The following OR3A2 variants were observed in gnomAD, a reference collection of about 807,000 sequenced individuals.
OR3A2 encodes the protein olfactory receptor family 3 subfamily A member 2.
For missense variants in OR3A2, 318 were observed against 392.8 expected (o/e 0.81, Z 1.61); for synonymous variants, 126 against 159.3 (o/e 0.79, Z 1.57).
rs541082915 is a variant in OR3A2 at position 3,358,055 on chromosome 17, C to T, written c.-178-21929G>A. On this transcript the variant is annotated intron_variant, in intron 2 of 4. Coordinates refer to the OR3A2 transcript ENST00000573491. ...GCATTTTCTGATCCAGACGAGGTCT[C>T]GAAGAGGCTGAGCTGTACTACTGGC... Among the ~76,000 whole-genome samples the T allele has an allele frequency of 4.6e-5, 7 of 151,624 alleles. No individual in the cohort carries two copies. The South Asian group carries it at 6.2e-4, about 13-fold the overall frequency.
At chr17:3,336,647 G>C (rs1466079517) in intron 2 of OR3A2, among the ~76,000 whole-genome samples, 1 of 152,088 alleles carries the variant, frequency 6.6e-6, no homozygotes, top group Non-Finnish European at 1.5e-5. Flanking sequence ...AATGTATAAA[G>C]AATATCAATT....
chr17:3,347,400 CG>C (rs916179524), intron 2 of OR3A2, among the ~76,000 whole-genome samples: 24 of 152,272 alleles, frequency 1.6e-4, no homozygotes, highest in African/African-American at 4.8e-4. Flanking sequence ...CCCTCTCCCC[CG>C]GCCCCACAAC....
chr17:3,311,052 C>T lies in OR3A2; in HGVS notation c.-85+24981G>A. The T allele has an allele frequency of 1.8e-6, 1 of 546,064 alleles. No individual in the cohort carries two copies. Among genetic ancestry groups the T allele is most frequent in the South Asian group, 1.4e-5 (1 of 72,576 alleles). The allele number at this position is 546,064 out of a possible 1,614,324, so 33.8% of individuals were successfully genotyped here. On this transcript the variant is annotated intron_variant, in intron 3 of 4. Coordinates refer to the OR3A2 transcript ENST00000573491. This position sits in a 1 kb window ranked among gnomAD's most constrained non-coding sequence, Gnocchi z 4.6. Reference sequence around the variant, plus strand: ...AGCCTTCTCCACGTGTAGTTCCCACCTCACTGTGGTGGGCATCTTCTATGG... The same window carrying T: ...AGCCTTCTCCACGTGTAGTTCCCACTTCACTGTGGTGGGCATCTTCTATGG...
At chr17:3,377,220 G>A (rs2049692556) in intron 2 of OR3A2, among the ~76,000 whole-genome samples, 1 of 152,152 alleles carries the variant, frequency 6.6e-6, no homozygotes, top group Non-Finnish European at 1.5e-5. Context: ...CAACCAAGGG[G>A]GAGCTGCATG....
chr17:3,342,210 C>G (rs1223784819), intron 2 of OR3A2, among the ~76,000 whole-genome samples: 1 of 152,144 alleles, frequency 6.6e-6, no homozygotes, highest in Admixed American at 6.5e-5. Flanking sequence ...TGGGTTCAAA[C>G]ACCCTCCTTT....
intron 3 of OR3A2, among the ~76,000 whole-genome samples, chr17:3,299,274 G>A (rs1450935613): frequency 6.6e-6 from 1 of 152,204 alleles, no homozygotes; most frequent in East Asian, 1.9e-4. Flanking sequence ...CCCTGGAGGT[G>A]AGAAGGAGGC....
intron 2 of OR3A2, among the ~76,000 whole-genome samples, chr17:3,363,139 T>C (rs2049533108): frequency 6.6e-6 from 1 of 151,886 alleles, no homozygotes; most frequent in African/African-American, 2.4e-5. Context: ...CCCCATTAAA[T>C]ATGCAAATTT....
chr17:3,345,448 G>C (rs1567562418), intron 2 of OR3A2, among the ~76,000 whole-genome samples: 2 of 151,900 alleles, frequency 1.3e-5, no homozygotes. Flanking sequence ...GATAGAGACA[G>C]AGAGAGAGAC....
chr17:3,372,157 G>A (rs551917845), intron 2 of OR3A2, among the ~76,000 whole-genome samples: 9 of 151,196 alleles, frequency 6.0e-5, no homozygotes, highest in African/African-American at 1.5e-4. Context: ...GGTCGCGGCC[G>A]GGTAGAGGTG....
intron 2 of OR3A2, among the ~76,000 whole-genome samples, chr17:3,371,903 G>C (rs1205333208): frequency 1.3e-5 from 2 of 148,916 alleles, no homozygotes; most frequent in African/African-American, 2.5e-5. Flanking sequence ...CTCCCGGACG[G>C]GGCGGCTGGC....
chr17:3,309,564 A>G (rs9911870), intron 3 of OR3A2, among the ~76,000 whole-genome samples: 28,697 of 152,090 alleles, frequency 0.19, 4,251 homozygotes, highest in African/African-American at 0.41. Flanking sequence ...TACATTCTTC[A>G]TATTTGGTAA....
chr17:3,278,054 CAGCATAGGGTTGAT>C lies in OR3A2; in HGVS notation c.850_863del (p.Ile284GlufsTer11). ...TTCTGAGGCTGTAGATAAGAGGGTT[CAGCATAGGGTTGAT>C]AACAGTGTTGAAAACTCCAACCCCT... On this transcript the variant is annotated frameshift_variant, in exon 2 of 2. Coordinates refer to ENST00000642052, the Ensembl canonical transcript of OR3A2. LOFTEE classifies it low-confidence loss of function (END_TRUNC). 4 of 1,613,654 alleles carry C rather than the reference CAGCATAGGGTTGAT, an allele frequency of 2.5e-6. No homozygotes were observed. Among genetic ancestry groups the C allele is most frequent in the Non-Finnish European group, 3.4e-6 (4 of 1,179,602 alleles).
At chr17:3,302,887 C>G (rs963343029) in intron 3 of OR3A2, among the ~76,000 whole-genome samples, 1 of 152,176 alleles carries the variant, frequency 6.6e-6, no homozygotes, top group Non-Finnish European at 1.5e-5. Flanking sequence ...AAGCGGCTGC[C>G]ACCCACAGTA....
intron 2 of OR3A2, among the ~76,000 whole-genome samples, chr17:3,347,647 T>A (rs1444046758): frequency 6.6e-6 from 1 of 152,248 alleles, no homozygotes; most frequent in Admixed American, 6.5e-5. Flanking sequence ...TCTATCATTG[T>A]TGGACATTTG....
chr17:3,291,493 G>A (rs1308776971), intron 3 of OR3A2: 2 of 626,490 alleles, frequency 3.2e-6, no homozygotes, highest in East Asian at 2.8e-5. Context: ...TTTCAGAAAT[G>A]AAAACTATTA....
chr17:3,342,197 C>A (rs754923943), intron 2 of OR3A2, among the ~76,000 whole-genome samples: 4 of 152,016 alleles, frequency 2.6e-5, no homozygotes, highest in Non-Finnish European at 5.9e-5. Context: ...AGCTTCCTTG[C>A]AATGGGTTCA....
intron 2 of OR3A2, among the ~76,000 whole-genome samples, chr17:3,336,837 C>T (rs1250409200): frequency 1.3e-5 from 2 of 152,156 alleles, no homozygotes; most frequent in East Asian, 3.8e-4. Context: ...CACATGATCA[C>T]CATCAATTAA....
chr17:3,384,323 T>C (rs1220414376), intron 1 of OR3A2, among the ~76,000 whole-genome samples: 1 of 152,212 alleles, frequency 6.6e-6, no homozygotes, highest in Non-Finnish European at 1.5e-5. Context: ...TTTAAAAGTG[T>C]TTTCTCCAGT....
In OR3A2 at chr17:3,330,177, A is replaced by C. The variant is rs937287918; in HGVS notation, c.-85+5856T>G. Among the ~76,000 whole-genome samples, 17 of 151,128 alleles carry C rather than the reference A, an allele frequency of 1.1e-4. No homozygotes were observed. The East Asian group carries it at 2.7e-3, about 24-fold the overall frequency. On this transcript the variant is annotated intron_variant, in intron 3 of 4. Coordinates refer to the OR3A2 transcript ENST00000573491. ...TAGGTGTGGTGTGGTGCTGAAAAAAATGTATATTCTGTTGATTTGGGGTGG... is the reference window on the plus strand; with the variant it reads ...TAGGTGTGGTGTGGTGCTGAAAAAACTGTATATTCTGTTGATTTGGGGTGG...
Sources: gnomAD v4.1 joint callset for allele counts (sites outside exome capture counted in the v4.1 genomes callset) on GRCh38, gnomAD v4.1.1 for gene constraint, Gnocchi (gnomAD v3.1) non-coding constraint, MANE v1.5 for transcripts, NCBI Gene and HGNC (gene_info 2026-07-23, HGNC 2026-07-21) for gene names.